Variants in ALDH1A3 observed in about 807,000 individuals in gnomAD.
ALDH1A3 encodes retinaldehyde dehydrogenase 3.
Under a neutral mutation model 57.5 loss-of-function variants are expected in ALDH1A3, and 28 were observed. The ratio of observed to expected loss-of-function variants is 0.49; its 90% CI spans 0.36 to 0.67. The LOEUF is 0.67. Ranked by LOEUF, ALDH1A3 falls within the 30% of genes least tolerant of loss-of-function variation. The pLI, the probability that ALDH1A3 is intolerant of heterozygous loss-of-function variation, is 0.00. For synonymous variants in ALDH1A3, 281 were observed against 264.8 expected (o/e 1.06, Z -0.59); for missense variants, 507 against 669.4 (o/e 0.76, Z 2.68).
In ALDH1A3 at chr15:100,912,876, C is replaced by T. The variant is rs1447799482; in HGVS notation, c.1467-1825C>T. On this transcript the variant is annotated intron_variant, in intron 12 of 12. Coordinates refer to ENST00000329841, the MANE Select transcript of ALDH1A3 (RefSeq NM_000693.4). ...GGAGGACTTGTTAAAATACAGATGT[C>T]GGCCGGGCGCGGTGGCTCACGCCTG... 3.9e-5 allele frequency among the ~76,000 whole-genome samples: 4 copies of T among 101,438 alleles called. 1 individual carries two copies. Among genetic ancestry groups the T allele is most frequent in the Non-Finnish European group, 8.6e-5 (4 of 46,490 alleles). The allele number at this position is 101,438 out of a possible 152,430, so 66.5% of individuals were successfully genotyped here.
At chr15:100,902,750 T>C (rs2041782386) in intron 9 of ALDH1A3, among the ~76,000 whole-genome samples, 1 of 152,222 alleles carries the variant, frequency 6.6e-6, no homozygotes, top group Non-Finnish European at 1.5e-5. Context: ...AGGCACCAGC[T>C]GACATTTCAT....
At chr15:100,895,626 C>T (rs2041694683) in intron 6 of ALDH1A3, 2 of 399,254 alleles carry the variant, frequency 5.0e-6, no homozygotes, top group Non-Finnish European at 9.3e-6. Context: ...TACAGGCGGG[C>T]CATGGCCACC....
At chr15:100,896,311 T>C (rs1025872173) in intron 7 of ALDH1A3, among the ~76,000 whole-genome samples, 4 of 151,674 alleles carry the variant, frequency 2.6e-5, no homozygotes, top group African/African-American at 4.9e-5. Flanking sequence ...ACACCATAAT[T>C]AAGATTAAGA....
chr15:100,910,606 A>C (rs1451589788), intron 12 of ALDH1A3, among the ~76,000 whole-genome samples: 2 of 152,248 alleles, frequency 1.3e-5, no homozygotes, highest in Admixed American at 1.3e-4. Context: ...TCAGAAATGA[A>C]TGCTGGCAGC....
intron 1 of ALDH1A3, chr15:100,880,451 A>G (rs2041536650): frequency 2.8e-6 from 1 of 356,168 alleles, no homozygotes; most frequent in African/African-American, 2.1e-5. Context: ...GAGAGCGCCA[A>G]GAGAGAGTCC....
Position 100,905,575 on chromosome 15 carries a change from A to C in ALDH1A3, c.1121A>C (p.Lys374Thr), listed in dbSNP as rs1213108723. 7.4e-6 allele frequency: 12 copies of C among 1,614,042 alleles called. No homozygotes were observed. Among genetic ancestry groups the C allele is most frequent in the Non-Finnish European group, 9.3e-6 (11 of 1,180,022 alleles). The change falls in exon 10 of 13, where the codon AAG becomes ACG. Residue 374 changes from lysine (K) to threonine (T), a missense_variant. By Grantham distance (78) the Lys-to-Thr change is moderately conservative. Around this residue, in one of 2 missense-constraint regions of ALDH1A3, gnomAD observed 432 missense variants for 608.4 expected, o/e 0.71. Transcript: ENST00000329841. ...KILELIESGKKEGAKLECGGS... is the reference protein window; with the variant it reads ...KILELIESGKTEGAKLECGGS... ...TTAGAGCTGATCGAGAGTGGGAAGA[A>C]GGAAGGGGCCAAGCTGGAATGCGGG...
chr15:100,894,206 T>TC lies in ALDH1A3; in HGVS notation c.666+126dup. 1.6e-6 allele frequency: 2 copies of TC among 1,289,682 alleles called. No homozygotes were observed. Among genetic ancestry groups the TC allele is most frequent in the African/African-American group, 1.5e-5 (1 of 67,602 alleles). The allele number at this position is 1,289,682 out of a possible 1,614,324, so 79.9% of individuals were successfully genotyped here. A position where few individuals can be genotyped will look rare whatever the true frequency, so the allele number is the denominator to read the frequency against. Reference sequence around the variant, plus strand: ...GCAATCGAGTGGGAAGGGAATGACTTCCAGTGTTTTGTTTGGCGACTGCAC... The same window carrying TC: ...GCAATCGAGTGGGAAGGGAATGACTTCCCAGTGTTTTGTTTGGCGACTGCAC... On this transcript the variant is annotated intron_variant, in intron 6 of 12. Coordinates refer to ENST00000329841, the MANE Select transcript of ALDH1A3 (RefSeq NM_000693.4). The surrounding 1 kb of genome is among the most constrained non-coding windows in gnomAD (Gnocchi z 4.5).
chr15:100,882,157 G>A (rs1404366814), intron 1 of ALDH1A3, among the ~76,000 whole-genome samples: 4 of 152,214 alleles, frequency 2.6e-5, no homozygotes, highest in African/African-American at 7.2e-5. Flanking sequence ...TCGATAATGG[G>A]GCACACACCA....
Position 100,894,190 on chromosome 15 carries a change from T to C in ALDH1A3, c.666+108T>C. 1 of 1,394,898 alleles carries C rather than the reference T, an allele frequency of 7.2e-7. No individual in the cohort carries two copies. The highest frequency in any genetic ancestry group is 1.4e-5 in the African/African-American group (1 of 69,914). The allele number at this position is 1,394,898 out of a possible 1,614,324, so 86.4% of individuals were successfully genotyped here. On this transcript the variant is annotated intron_variant, in intron 6 of 12. Transcript: ENST00000329841. This position sits in a 1 kb window ranked among gnomAD's most constrained non-coding sequence, Gnocchi z 4.5. The stretch of plus-strand genomic sequence containing the variant: ...CAGTGGCAGACTGCTGGCAATCGAG[T>C]GGGAAGGGAATGACTTCCAGTGTTT...
intron 1 of ALDH1A3, among the ~76,000 whole-genome samples, chr15:100,882,155 G>A (rs1351289731): frequency 6.6e-6 from 1 of 152,248 alleles, no homozygotes; most frequent in Admixed American, 6.5e-5. Flanking sequence ...TCTCGATAAT[G>A]GGGCACACAC....
At chr15:100,891,754 G>A (rs1050080923) in intron 3 of ALDH1A3, among the ~76,000 whole-genome samples, 35 of 152,256 alleles carry the variant, frequency 2.3e-4, no homozygotes, top group African/African-American at 8.2e-4. Context: ...GGCGGTTTCA[G>A]CGCTGGGCTC....
chr15:100,909,473 C>T (rs2041861500), intron 12 of ALDH1A3, among the ~76,000 whole-genome samples: 1 of 78,026 alleles, frequency 1.3e-5, no homozygotes, highest in Non-Finnish European at 2.7e-5. Flanking sequence ...GCAAACTCCT[C>T]AGTGTGTGAA....
rs1323441296 is a variant in ALDH1A3, at chr15:100,880,164, C to T, written c.99+158C>T. The T allele has an allele frequency of 1.1e-5, 5 of 438,986 alleles. No individual in the cohort carries two copies. The Admixed American group carries it at 1.3e-4, about 12-fold the overall frequency. 27.2% of individuals were successfully genotyped at this position (438,986 alleles called of 1,614,324 possible). A position where few individuals can be genotyped will look rare whatever the true frequency, so the allele number is the denominator to read the frequency against. ...GGGCGCGGCTCTCCAGAAACCGCAC[C>T]TTTCGCGGGACGTCTCGGGCGGGAT... On this transcript the variant is annotated intron_variant, in intron 1 of 12. Coordinates refer to ENST00000329841, the MANE Select transcript of ALDH1A3 (RefSeq NM_000693.4).
intron 9 of ALDH1A3, among the ~76,000 whole-genome samples, chr15:100,902,846 C>T (rs1407922443): frequency 6.6e-6 from 1 of 152,232 alleles, no homozygotes; most frequent in Non-Finnish European, 1.5e-5. Context: ...CACGGGGACC[C>T]AGCACTGCCT....
intron 8 of ALDH1A3, among the ~76,000 whole-genome samples, chr15:100,899,829 T>C (rs2041747850): frequency 6.6e-6 from 1 of 152,168 alleles, no homozygotes; most frequent in Non-Finnish European, 1.5e-5. Flanking sequence ...CCCTGTGGAA[T>C]TGGAACGGAT....
rs2041848121 is a variant in ALDH1A3 at position 100,908,431 on chromosome 15, A to G, written c.1415A>G (p.Tyr472Cys). The stretch of plus-strand genomic sequence containing the variant: ...AGGATCAACTGCTACAACGCCCTCT[A>G]TGCACAGGCTCCATTTGGTGGCTTT... ...TVWINCYNAL[Y>C]AQAPFGGFKM... Residue 472 changes from tyrosine to cysteine, a missense_variant, in exon 12 of 13, where the codon TAT becomes TGT. Tyr to Cys is a radical substitution (Grantham distance 194). Around this residue, in one of 2 missense-constraint regions of ALDH1A3, gnomAD observed 432 missense variants for 608.4 expected, o/e 0.71. Transcript: ENST00000329841. 1.9e-6 allele frequency: 3 copies of G among 1,613,868 alleles called. No homozygotes were observed. The highest frequency in any genetic ancestry group is 2.2e-5 in the South Asian group (2 of 91,082).
At position 100,914,930 on chromosome 15, in the gene ALDH1A3, C is replaced by A. The variant is rs939060642; in HGVS notation, c.*157C>A. On this transcript the variant is annotated 3_prime_UTR_variant, in exon 13 of 13. Coordinates refer to ENST00000329841, the MANE Select transcript of ALDH1A3 (RefSeq NM_000693.4). ...GAATGATTGCTGTTTTCCTCTCACT[C>A]TCCTGTTTATTCACCAGACTGGGGA... 4.4e-5 allele frequency: 30 copies of A among 683,512 alleles called. No individual in the cohort carries two copies. Among genetic ancestry groups the A allele is most frequent in the Non-Finnish European group, 6.9e-5 (28 of 407,580 alleles). 42.3% of individuals were successfully genotyped at this position (683,512 alleles called of 1,614,324 possible). A position where few individuals can be genotyped will look rare whatever the true frequency, so the allele number is the denominator to read the frequency against.
intron 1 of ALDH1A3, chr15:100,880,657 G>A (rs891398254): frequency 4.5e-5 from 7 of 156,760 alleles, no homozygotes; most frequent in Non-Finnish European, 9.8e-5. Flanking sequence ...CGCGCGCTCC[G>A]GAAGGTCGCA....
In ALDH1A3 at chr15:100,893,369, G is replaced by A. The variant is rs1237153820; in HGVS notation, c.537+363G>A. 5.1e-6 allele frequency: 1 copy of A among 197,458 alleles called. No individual in the cohort carries two copies. The highest frequency in any genetic ancestry group is 5.6e-5 in the Admixed American group (1 of 17,914). The allele number at this position is 197,458 out of a possible 1,614,324, so 12.2% of individuals were successfully genotyped here. On this transcript the variant is annotated intron_variant, in intron 5 of 12. Transcript: ENST00000329841. This position sits in a 1 kb window ranked among gnomAD's most constrained non-coding sequence, Gnocchi z 4.8. ...GAATGGCCTAGGCAAAAGTGCAGAG[G>A]TGGCTGGGCTACTTGGAAGGGAACA...
Sources: allele counts gnomAD v4.1 joint callset (sites outside exome capture counted in the v4.1 genomes callset), GRCh38; gene constraint gnomAD v4.1.1; regional missense constraint gnomAD v4.1.1; non-coding constraint Gnocchi (gnomAD v3.1); transcripts MANE v1.5; gene names NCBI Gene and HGNC (gene_info 2026-07-23, HGNC 2026-07-21).